The following COL26A1 variants were observed in gnomAD, a reference collection of about 807,000 sequenced individuals.
The protein encoded by COL26A1 is collagen type XXVI alpha 1 chain.
A neutral mutation model predicts 59.3 loss-of-function variants in COL26A1; 41 were observed. That is an observed-to-expected ratio of 0.69 (90% CI 0.54 to 0.90). The LOEUF (loss-of-function observed/expected upper bound fraction) is 0.90. Among genes scored for constraint, COL26A1 ranks in the 40% least tolerant of loss-of-function variants. The probability of loss-of-function intolerance (pLI) is 0.00; values close to 1 mark genes in which losing one functional copy is unlikely to be tolerated. For missense variants in COL26A1, 612 were observed against 602.3 expected (o/e 1.02, Z -0.17); for synonymous variants, 266 against 256.0 (o/e 1.04, Z -0.37).
chr7:101,376,054 G>A (rs190921966), intron 1 of COL26A1, among the ~76,000 whole-genome samples: 1 of 151,420 alleles, frequency 6.6e-6, no homozygotes, highest in African/African-American at 2.4e-5. Flanking sequence ...CCAGCTACTT[G>A]GGAGAGGAGG....
chr7:101,470,093 T>C lies in COL26A1; in HGVS notation c.385+22306T>C, dbSNP rs1005304545. Among the ~76,000 whole-genome samples the C allele has an allele frequency of 2.0e-5, 3 of 150,648 alleles. No homozygotes were observed. In the East Asian group the frequency reaches 5.9e-4, roughly 29 times the overall value. On this transcript the variant is annotated intron_variant, in intron 3 of 12. Coordinates refer to ENST00000313669, the MANE Select transcript of COL26A1 (RefSeq NM_001278563.3). ...AGAGAGGGGTCCCGGAGAAATGGAT[T>C]GCCTTTTTTTTTGTTTTTTTTTTTT...
At chr7:101,425,758 C>T (rs1300974072) in intron 2 of COL26A1, among the ~76,000 whole-genome samples, 2 of 151,820 alleles carry the variant, frequency 1.3e-5, no homozygotes, top group Non-Finnish European at 2.9e-5. Flanking sequence ...CGGCCTCCCT[C>T]GGCCTCCCAA....
At chr7:101,397,266 C>T (rs1368515607) in intron 1 of COL26A1, among the ~76,000 whole-genome samples, 12 of 152,154 alleles carry the variant, frequency 7.9e-5, no homozygotes, top group Non-Finnish European at 1.8e-4. Flanking sequence ...TCAGCTGTCT[C>T]AGGCCAGTAA....
At chr7:101,441,103 T>G (rs1205039724) in intron 2 of COL26A1, among the ~76,000 whole-genome samples, 1 of 151,986 alleles carries the variant, frequency 6.6e-6, no homozygotes, top group Non-Finnish European at 1.5e-5. Flanking sequence ...AACCTTTGCC[T>G]GTACTGAACG....
At chr7:101,522,138 G>T (rs1306631775) in intron 3 of COL26A1, among the ~76,000 whole-genome samples, 1 of 152,084 alleles carries the variant, frequency 6.6e-6, no homozygotes, top group Non-Finnish European at 1.5e-5. Flanking sequence ...TGCCTGTCTT[G>T]TTCTCTCATC....
intron 3 of COL26A1, among the ~76,000 whole-genome samples, chr7:101,455,503 CT>C (rs10690062): frequency 0.058 from 6,712 of 116,422 alleles, 160 homozygotes; most frequent in African/African-American, 0.11. Context: ...CTTTTCTTTT[CT>C]TTTTTTTTTT....
At chr7:101,449,835 C>T (rs1032819630) in intron 3 of COL26A1, among the ~76,000 whole-genome samples, 1 of 152,024 alleles carries the variant, frequency 6.6e-6, no homozygotes, top group Non-Finnish European at 1.5e-5. Context: ...CAAAAAGATA[C>T]AGATTAGGAT....
intron 3 of COL26A1, among the ~76,000 whole-genome samples, chr7:101,498,175 C>G (rs566565275): frequency 6.6e-6 from 1 of 152,170 alleles, no homozygotes; most frequent in Non-Finnish European, 1.5e-5. Context: ...TCTCTCTCCC[C>G]GGATTTCTCA....
intron 5 of COL26A1, 39 bp downstream of exon 5, chr7:101,540,088 G>T: frequency 1.9e-6 from 3 of 1,577,962 alleles, no homozygotes; most frequent in Non-Finnish European, 2.6e-6. Context: ...TGGGGCAGCC[G>T]AAGGGACCTT....
intron 3 of COL26A1, among the ~76,000 whole-genome samples, chr7:101,484,950 G>A (rs1794237518): frequency 6.6e-6 from 1 of 152,094 alleles, no homozygotes; most frequent in Admixed American, 6.6e-5. Context: ...TGCCTCCTGG[G>A]TTCAGATGAT....
intron 1 of COL26A1, among the ~76,000 whole-genome samples, chr7:101,411,391 C>T (rs1363818449): frequency 6.6e-6 from 1 of 151,856 alleles, no homozygotes; most frequent in Non-Finnish European, 1.5e-5. Context: ...CTTGAGAGCG[C>T]GCCCTCTGGT....
At chr7:101,515,707 G>A (rs1164967207) in intron 3 of COL26A1, among the ~76,000 whole-genome samples, 1 of 151,824 alleles carries the variant, frequency 6.6e-6, no homozygotes, top group East Asian at 1.9e-4. Context: ...TCATGCCTCA[G>A]CCTCCCAAGT....
chr7:101,467,594 G>A lies in COL26A1; in HGVS notation c.385+19807G>A, dbSNP rs562149007. On this transcript the variant is annotated intron_variant, in intron 3 of 12. Transcript: ENST00000313669. ...AAGAAAAGGGAAGATGGGGCCGGGC[G>A]CGGTGGCTCACGCCTGTAATCCCAG... 5.3e-5 allele frequency among the ~76,000 whole-genome samples: 8 copies of A among 151,822 alleles called. 1 individual carries two copies. The highest frequency in any genetic ancestry group is 2.1e-4 in the South Asian group (1 of 4,816).
chr7:101,408,943 G>A (rs569547200), intron 1 of COL26A1, among the ~76,000 whole-genome samples: 4 of 152,332 alleles, frequency 2.6e-5, no homozygotes, highest in South Asian at 2.1e-4. Context: ...AGACAGCCAC[G>A]TGCCAAGACC....
At chr7:101,382,194 G>A (rs1791465482) in intron 1 of COL26A1, among the ~76,000 whole-genome samples, 1 of 152,082 alleles carries the variant, frequency 6.6e-6, no homozygotes, top group Non-Finnish European at 1.5e-5. Context: ...GACTGCAGGT[G>A]CATGCTACCA....
chr7:101,446,852 A>T (rs2130375471), intron 2 of COL26A1, among the ~76,000 whole-genome samples: 1 of 144,534 alleles, frequency 6.9e-6, no homozygotes, highest in South Asian at 2.2e-4. Flanking sequence ...GTCTCAACTA[A>T]AAAAAAAAAA....
chr7:101,414,340 G>A (rs1313209563), intron 1 of COL26A1, among the ~76,000 whole-genome samples: 1 of 151,916 alleles, frequency 6.6e-6, no homozygotes, highest in African/African-American at 2.4e-5. Context: ...ACCCTCGGGC[G>A]GATCTCAGGA....
chr7:101,443,099 T>C lies in COL26A1; in HGVS notation c.282-4585T>C, dbSNP rs558880316. Among the ~76,000 whole-genome samples the C allele has an allele frequency of 9.7e-5, 9 of 93,076 alleles. No individual in the cohort carries two copies. The South Asian group carries it at 3.5e-3, about 36-fold the overall frequency. The allele number at this position is 93,076 out of a possible 152,430, so 61.1% of individuals were successfully genotyped here. On this transcript the variant is annotated intron_variant, in intron 2 of 12. Coordinates refer to ENST00000313669, the MANE Select transcript of COL26A1 (RefSeq NM_001278563.3). The stretch of plus-strand genomic sequence containing the variant: ...TGTGTTTATTGTGAAAATCGTGTAT[T>C]TGTACTCATCATCGCATACCAGAGT...
chr7:101,384,254 T>C (rs985702814), intron 1 of COL26A1, among the ~76,000 whole-genome samples: 2 of 143,338 alleles, frequency 1.4e-5, no homozygotes, highest in African/African-American at 5.1e-5. Flanking sequence ...TTTTTTTTTT[T>C]AAGACGGAGT....
Sources: allele counts gnomAD v4.1 joint callset (sites outside exome capture counted in the v4.1 genomes callset), GRCh38; gene constraint gnomAD v4.1.1; transcripts MANE v1.5; gene names NCBI Gene and HGNC (gene_info 2026-07-23, HGNC 2026-07-21).